ZCCHC7: variants seen among roughly 807,000 people sequenced by gnomAD.
The protein encoded by ZCCHC7 is zinc finger CCHC domain-containing protein 7.
ZCCHC7 carries 35 observed loss-of-function variants against 52.0 expected under a neutral mutation model. The observed-to-expected ratio is 0.67, with a 90% confidence interval of 0.51 to 0.89. The LOEUF is 0.89. ZCCHC7 is among the 40% of genes least tolerant of loss of function. The pLI is 0.00. For missense variants in ZCCHC7, 574 were observed against 649.1 expected, an observed-to-expected ratio of 0.88 and a Z score of 1.26; for synonymous variants, 217 against 221.5, an observed-to-expected ratio of 0.98 and a Z score of 0.18.
chr9:37,166,744 CTTTAT>C (rs1176236819), intron 2 of ZCCHC7, among the ~76,000 whole-genome samples: 1 of 152,046 alleles, frequency 6.6e-6, no homozygotes. Flanking sequence ...TATGTTGTGT[CTTTAT>C]TTTCTCTTTG....
chr9:37,315,818 A>G (rs1829792103), intron 5 of ZCCHC7, among the ~76,000 whole-genome samples: 1 of 144,508 alleles, frequency 6.9e-6, no homozygotes, highest in Admixed American at 6.8e-5. Context: ...GGATGCTTAT[A>G]TAGAACTTTT....
intron 2 of ZCCHC7, among the ~76,000 whole-genome samples, chr9:37,230,729 G>A (rs1376086064): frequency 6.6e-6 from 1 of 152,044 alleles, no homozygotes; most frequent in East Asian, 1.9e-4. Flanking sequence ...CCATAAATAT[G>A]TGTATAATGA....
chr9:37,325,704 CT>C (rs1830214058), intron 5 of ZCCHC7, among the ~76,000 whole-genome samples: 1 of 152,100 alleles, frequency 6.6e-6, no homozygotes, highest in African/African-American at 2.4e-5. Flanking sequence ...TATTTGTTTA[CT>C]TTTTAACCTC....
intron 2 of ZCCHC7, among the ~76,000 whole-genome samples, chr9:37,151,188 G>A (rs971211240): frequency 2.6e-5 from 4 of 151,736 alleles, no homozygotes; most frequent in African/African-American, 7.3e-5. Flanking sequence ...GGATAGTCTC[G>A]ATCTCCTGAC....
At chr9:37,239,430 G>A (rs1217253257) in intron 2 of ZCCHC7, among the ~76,000 whole-genome samples, 2 of 152,110 alleles carry the variant, frequency 1.3e-5, no homozygotes, top group Non-Finnish European at 1.5e-5. Flanking sequence ...TGTAGACCTA[G>A]ATGACCTTCA....
chr9:37,267,942 G>A (rs1306449982), intron 2 of ZCCHC7, among the ~76,000 whole-genome samples: 1 of 152,006 alleles, frequency 6.6e-6, no homozygotes, highest in Non-Finnish European at 1.5e-5. Flanking sequence ...TGGGCTCGAG[G>A]GATCCTCTCA....
intron 2 of ZCCHC7, among the ~76,000 whole-genome samples, chr9:37,228,755 A>G (rs1267652166): frequency 6.6e-6 from 1 of 151,828 alleles, no homozygotes; most frequent in East Asian, 1.9e-4. Context: ...TTATATGAAT[A>G]TATTCATATA....
intron 2 of ZCCHC7, among the ~76,000 whole-genome samples, chr9:37,260,446 T>C (rs1415887444): frequency 6.6e-6 from 1 of 152,214 alleles, no homozygotes; most frequent in East Asian, 1.9e-4. Context: ...CTGGTCTTCA[T>C]CTACAAAGTA....
chr9:37,307,244 A>G (rs887738336), intron 5 of ZCCHC7, among the ~76,000 whole-genome samples: 10 of 152,186 alleles, frequency 6.6e-5, no homozygotes, highest in African/African-American at 2.4e-4. Flanking sequence ...AATTTCAAAG[A>G]CCAGAGGGCT....
intron 2 of ZCCHC7, among the ~76,000 whole-genome samples, chr9:37,289,997 A>G (rs745890362): frequency 6.6e-6 from 1 of 152,232 alleles, no homozygotes; most frequent in Non-Finnish European, 1.5e-5. Context: ...ATGTAAAATT[A>G]TAACCCGTAC....
intron 2 of ZCCHC7, among the ~76,000 whole-genome samples, chr9:37,159,554 G>T (rs1188736566): frequency 6.6e-6 from 1 of 152,126 alleles, no homozygotes; most frequent in Non-Finnish European, 1.5e-5. Flanking sequence ...GTGGAACTTG[G>T]TCTGCTGTTA....
intron 2 of ZCCHC7, among the ~76,000 whole-genome samples, chr9:37,271,212 A>G (rs1424572097): frequency 6.6e-6 from 1 of 152,248 alleles, no homozygotes; most frequent in Non-Finnish European, 1.5e-5. Flanking sequence ...TAATCTACAT[A>G]TAATCAGGCT....
At chr9:37,146,511 C>T (rs934247145) in intron 2 of ZCCHC7, among the ~76,000 whole-genome samples, 24 of 151,978 alleles carry the variant, frequency 1.6e-4, no homozygotes, top group Non-Finnish European at 2.1e-4. Flanking sequence ...ATTAAGCCTC[C>T]CTTTACTTAT....
chr9:37,299,959 A>C (rs766860094), intron 2 of ZCCHC7, among the ~76,000 whole-genome samples: 1 of 152,154 alleles, frequency 6.6e-6, no homozygotes, highest in Non-Finnish European at 1.5e-5. Flanking sequence ...TAGGCTGTGA[A>C]ACCCACGTAT....
At chr9:37,209,894 G>A (rs905247338) in intron 2 of ZCCHC7, among the ~76,000 whole-genome samples, 9 of 152,142 alleles carry the variant, frequency 5.9e-5, no homozygotes, top group East Asian at 1.9e-4. Context: ...GAAGTCAGAA[G>A]CCTTTCTGGA....
chr9:37,284,619 T>C (rs1465048357), intron 2 of ZCCHC7, among the ~76,000 whole-genome samples: 1 of 152,184 alleles, frequency 6.6e-6, no homozygotes, highest in Non-Finnish European at 1.5e-5. Flanking sequence ...TGGATTTTTA[T>C]ATTACCTCTG....
chr9:37,175,958 C>G (rs1822000758), intron 2 of ZCCHC7, among the ~76,000 whole-genome samples: 1 of 152,124 alleles, frequency 6.6e-6, no homozygotes, highest in South Asian at 2.1e-4. Context: ...TGTCTTTTAT[C>G]AAAAATGTAA....
At chr9:37,233,014 A>T (rs886546194) in intron 2 of ZCCHC7, among the ~76,000 whole-genome samples, 1 of 152,202 alleles carries the variant, frequency 6.6e-6, no homozygotes, top group African/African-American at 2.4e-5. Context: ...TAAGGGTTTA[A>T]AGTAACATCG....
At chr9:37,259,110 G>A (rs373095479) in intron 2 of ZCCHC7, among the ~76,000 whole-genome samples, 27 of 152,254 alleles carry the variant, frequency 1.8e-4, no homozygotes, top group African/African-American at 3.4e-4. Context: ...TCTAATGGTC[G>A]GGGCTGGTTA....
Sources: gnomAD v4.1 joint callset for allele counts (sites outside exome capture counted in the v4.1 genomes callset) on GRCh38, gnomAD v4.1.1 for gene constraint, MANE v1.5 for transcripts, NCBI Gene and HGNC (gene_info 2026-07-23, HGNC 2026-07-21) for gene names.